Variants in VCPIP1 observed in about 807,000 individuals in gnomAD.
VCPIP1 encodes the protein valosin containing protein interacting protein 1.
In VCPIP1, 8 loss-of-function variants were observed where a neutral mutation model predicts 85.0. The observed-to-expected ratio is 0.09, with a 90% CI of 0.06 to 0.17. The LOEUF is 0.17. Among genes scored for constraint, VCPIP1 ranks in the 10% least tolerant of loss-of-function variants. The pLI is 1.00. For synonymous variants in VCPIP1, 543 were observed against 544.5 expected, an observed-to-expected ratio of 1.00 and a Z score of 0.04; for missense variants, 1,070 against 1,486.3, an observed-to-expected ratio of 0.72 and a Z score of 4.61.
chr8:66,638,936 TTCTCTCTCTCTCTCTCTC>T (rs750894538), intron 2 of VCPIP1, among the ~76,000 whole-genome samples: 1 of 131,628 alleles, frequency 7.6e-6, no homozygotes, highest in Non-Finnish European at 1.5e-5. Flanking sequence ...CAAGAAAACT[TTCTCTCTCTCTCTCTCTC>T]TCTCTCTCTC....
intron 2 of VCPIP1, among the ~76,000 whole-genome samples, chr8:66,641,960 T>G (rs762717285): frequency 2.6e-5 from 4 of 152,180 alleles, no homozygotes; most frequent in Non-Finnish European, 4.4e-5. Flanking sequence ...CACCTAAGAG[T>G]AGAACTGCTG....
intron 2 of VCPIP1, among the ~76,000 whole-genome samples, chr8:66,636,588 C>T (rs1810889425): frequency 6.6e-6 from 1 of 151,654 alleles, no homozygotes. Flanking sequence ...ACTAAAAATA[C>T]AAAAATTAGC....
chr8:66,639,606 A>G (rs1186226739), intron 2 of VCPIP1, among the ~76,000 whole-genome samples: 1 of 152,190 alleles, frequency 6.6e-6, no homozygotes, highest in East Asian at 1.9e-4. Context: ...GATTATAGGC[A>G]TGGACCACTG....
chr8:66,659,883 C>G (rs1372890842), intron 1 of VCPIP1, among the ~76,000 whole-genome samples: 1 of 151,940 alleles, frequency 6.6e-6, no homozygotes, highest in Admixed American at 6.6e-5. Context: ...TGGGATCACA[C>G]CACTGCACTC....
chr8:66,637,087 G>A (rs2130145596), intron 2 of VCPIP1, among the ~76,000 whole-genome samples: 1 of 152,150 alleles, frequency 6.6e-6, no homozygotes, highest in South Asian at 2.1e-4. Context: ...TCAGCACATT[G>A]GGAGGCTGAG....
Position 66,630,100 on chromosome 8 carries a change from T to C in VCPIP1, c.*4401A>G, listed in dbSNP as rs991234300. ...TCAGGGGAAAATCAGTATTAACTTA[T>C]AGTTTTATTATTGATATAAAAGAAA... is the stretch of plus-strand genomic sequence containing the variant. On this transcript the variant is annotated 3_prime_UTR_variant, in exon 3 of 3. Coordinates refer to ENST00000310421, the MANE Select transcript of VCPIP1 (RefSeq NM_025054.5). The C allele has an allele frequency of 1.3e-5, 2 of 152,194 alleles. No homozygotes were observed. Among genetic ancestry groups the C allele is most frequent in the Admixed American group, 6.5e-5 (1 of 15,276 alleles). The allele number at this position is 152,194 out of a possible 1,614,324, so 9.4% of individuals were successfully genotyped here. A position where few individuals can be genotyped will look rare whatever the true frequency, so the allele number is the denominator to read the frequency against.
intron 2 of VCPIP1, among the ~76,000 whole-genome samples, chr8:66,647,787 T>C (rs1009617852): frequency 6.6e-6 from 1 of 152,064 alleles, no homozygotes; most frequent in African/African-American, 2.4e-5. Flanking sequence ...AAAATGAACC[T>C]TAACTCATAC....
At chr8:66,654,423 C>G (rs1430637687) in intron 1 of VCPIP1, among the ~76,000 whole-genome samples, 1 of 152,206 alleles carries the variant, frequency 6.6e-6, no homozygotes, top group Non-Finnish European at 1.5e-5. Flanking sequence ...TTGCAGTGAG[C>G]CGAGGTCGTG....
At chr8:66,656,649 G>A (rs528455616) in intron 1 of VCPIP1, among the ~76,000 whole-genome samples, 3 of 150,362 alleles carry the variant, frequency 2.0e-5, no homozygotes, top group Admixed American at 6.6e-5. Flanking sequence ...TTGCTCTGTC[G>A]CCCAGGCTGG....
rs768637681 is a variant in VCPIP1 at position 66,635,107 on chromosome 8, G to C, written c.3063C>G (p.Asn1021Lys). ...VVKKKSEQLH[N>K]VTAFQGKGHS... ...GCCCTTTTCCCTGAAAGGCAGTTAC[G>C]TTATGAAGTTGCTCAGATTTCTTTT... Residue 1021 changes from asparagine (N) to lysine (K), a missense_variant, in exon 3 of 3, where the codon AAC becomes AAG. Physicochemically the swap from Asn to Lys is moderately conservative, Grantham distance 94. This residue lies in a region of VCPIP1 where 255 missense variants were observed against 289.5 expected (regional missense o/e 0.88). Transcript: ENST00000310421. The C allele has an allele frequency of 1.2e-6, 2 of 1,614,142 alleles. No individual in the cohort carries two copies. Among genetic ancestry groups the C allele is most frequent in the South Asian group, 1.1e-5 (1 of 91,078 alleles).
At chr8:66,650,300 A>C (rs1375775627) in intron 2 of VCPIP1, among the ~76,000 whole-genome samples, 1 of 152,210 alleles carries the variant, frequency 6.6e-6, no homozygotes. Context: ...ATATGTTTGA[A>C]TATTTCTACA....
intron 1 of VCPIP1, among the ~76,000 whole-genome samples, chr8:66,663,852 G>A (rs1462720326): frequency 6.6e-6 from 1 of 151,994 alleles, no homozygotes; most frequent in Non-Finnish European, 1.5e-5. Context: ...CATCAAACAG[G>A]AAGTGCTGAA....
At chr8:66,662,759 G>A (rs769245647) in intron 1 of VCPIP1, among the ~76,000 whole-genome samples, 4 of 150,994 alleles carry the variant, frequency 2.6e-5, no homozygotes, top group Non-Finnish European at 5.9e-5. Flanking sequence ...TAGGCTCACC[G>A]CAACCTCCAA....
At position 66,637,352 on chromosome 8, in the gene VCPIP1, C is replaced by T. The variant is rs114564357; in HGVS notation, c.2798-1980G>A. Among the ~76,000 whole-genome samples the T allele has an allele frequency of 7.8e-3, 1,182 of 151,806 alleles. 13 individuals carry two copies. Among genetic ancestry groups the T allele is most frequent in the African/African-American group, 0.027 (1,117 of 41,360 alleles). ...GTGATAGCAAGAAACTGTCTAAAAA[C>T]AAAACAAAACAAAAAACAAACACCC... On this transcript the variant is annotated intron_variant, in intron 2 of 2. Transcript: ENST00000310421.
rs965578205 is a variant in VCPIP1, at chr8:66,629,975, T to A, written c.*4526A>T. The A allele has an allele frequency of 6.6e-6, 1 of 152,180 alleles. No homozygotes were observed. The highest frequency in any genetic ancestry group is 1.5e-5 in the Non-Finnish European group (1 of 68,034). 9.4% of individuals were successfully genotyped at this position (152,180 alleles called of 1,614,324 possible). A position where few individuals can be genotyped will look rare whatever the true frequency, so the allele number is the denominator to read the frequency against. On this transcript the variant is annotated 3_prime_UTR_variant, in exon 3 of 3. Coordinates refer to ENST00000310421, the MANE Select transcript of VCPIP1 (RefSeq NM_025054.5). ...TAAGTTCAACAAGAAAACTTTATTA[T>A]TTAAGAATTTCTTTATAAAACTGAA...
At chr8:66,651,611 A>G in intron 1 of VCPIP1, 67 bp from the exon 2 acceptor site, 1 of 1,331,636 alleles carries the variant, frequency 7.5e-7, no homozygotes, top group Non-Finnish European at 1.1e-6. Flanking sequence ...CTGCTTTAGT[A>G]AGGATTAGCC....
At chr8:66,653,428 G>T (rs1367106447) in intron 1 of VCPIP1, 2 of 152,158 alleles carry the variant, frequency 1.3e-5, no homozygotes, top group Non-Finnish European at 2.9e-5. Context: ...ATCAAAAAAA[G>T]ATAGGGTGGT....
At chr8:66,657,097 G>T (rs1012172898) in intron 1 of VCPIP1, among the ~76,000 whole-genome samples, 2 of 151,988 alleles carry the variant, frequency 1.3e-5, no homozygotes, top group South Asian at 4.1e-4. Context: ...TAGAGATAGG[G>T]TTTCTCCATG....
intron 2 of VCPIP1, among the ~76,000 whole-genome samples, chr8:66,645,863 A>G (rs11992252): frequency 0.13 from 20,094 of 151,772 alleles, 3,184 homozygotes; most frequent in African/African-American, 0.38. Context: ...CAGGTAGGTC[A>G]ACGATGCAGT....
Sources: allele counts gnomAD v4.1 joint callset (sites outside exome capture counted in the v4.1 genomes callset), GRCh38; gene constraint gnomAD v4.1.1; regional missense constraint gnomAD v4.1.1; transcripts MANE v1.5; gene names NCBI Gene and HGNC (gene_info 2026-07-23, HGNC 2026-07-21).